Variants in SLC8A1 observed in about 807,000 individuals in gnomAD.
SLC8A1 encodes solute carrier family 8 member A1, also known as sodium/calcium exchanger 1.
Under a neutral mutation model 68.3 loss-of-function variants are expected in SLC8A1, and 18 were observed. That is an observed-to-expected ratio of 0.26 (90% CI 0.18 to 0.39). The LOEUF (loss-of-function observed/expected upper bound fraction) is 0.39. Among genes scored for constraint, SLC8A1 ranks in the 10% least tolerant of loss-of-function variants. SLC8A1 has a pLI of 1.00. For missense variants in SLC8A1, 985 were observed against 1,156.7 expected (o/e 0.85, Z 2.15); for synonymous variants, 475 against 415.5 (o/e 1.14, Z -1.74).
At chr2:40,109,218 A>G (rs2034410724) in exon 8 of SLC8A1, 1 of 152,120 alleles carries the variant, frequency 6.6e-6, no homozygotes. Context: ...TAGCAGAAAA[A>G]TAGTACCCAC....
intron 2 of SLC8A1, among the ~76,000 whole-genome samples, chr2:40,253,267 A>G (rs2063279697): frequency 6.6e-6 from 1 of 150,610 alleles, no homozygotes; most frequent in Admixed American, 6.6e-5. Context: ...ACATATATAC[A>G]TGTACATATG....
At chr2:40,119,865 A>G (rs1054749306) in intron 7 of SLC8A1, among the ~76,000 whole-genome samples, 2 of 152,236 alleles carry the variant, frequency 1.3e-5, no homozygotes, top group African/African-American at 2.4e-5. Flanking sequence ...CTATAAATCA[A>G]TAAGAAGGAA....
chr2:40,401,424 C>T (rs1688678100), intron 2 of SLC8A1, among the ~76,000 whole-genome samples: 1 of 146,250 alleles, frequency 6.8e-6, no homozygotes. Flanking sequence ...TTCTTCTATG[C>T]TATTTTTTTT....
At chr2:40,271,939 T>C (rs2066090480) in intron 2 of SLC8A1, among the ~76,000 whole-genome samples, 1 of 152,078 alleles carries the variant, frequency 6.6e-6, no homozygotes, top group African/African-American at 2.4e-5. Flanking sequence ...CCGTCATAGC[T>C]CACTGCAGCC....
chr2:40,427,719 T>A (rs569587144), intron 2 of SLC8A1, among the ~76,000 whole-genome samples: 2 of 152,274 alleles, frequency 1.3e-5, no homozygotes, highest in African/African-American at 4.8e-5. Flanking sequence ...AAATTTTTCC[T>A]TCTTTTCTCT....
At chr2:40,197,720 C>A (rs368613) in intron 2 of SLC8A1, among the ~76,000 whole-genome samples, 106,973 of 151,684 alleles carry the variant, frequency 0.71, 39,101 homozygotes, top group Middle Eastern at 0.83. Context: ...GCTTGTCTCC[C>A]AGACATTTTC....
At chr2:40,501,030 A>C (rs1706031267) in intron 1 of SLC8A1, among the ~76,000 whole-genome samples, 1 of 151,628 alleles carries the variant, frequency 6.6e-6, no homozygotes, top group African/African-American at 2.4e-5. Flanking sequence ...ACCTGTTCTC[A>C]CGGGGCTGCT....
At chr2:40,372,923 G>A (rs1678603780) in intron 2 of SLC8A1, among the ~76,000 whole-genome samples, 1 of 151,894 alleles carries the variant, frequency 6.6e-6, no homozygotes, top group African/African-American at 2.4e-5. Flanking sequence ...AATCCTTGAT[G>A]GTTTATCAAG....
chr2:40,252,815 CATATAT>C (rs748062321), intron 2 of SLC8A1, among the ~76,000 whole-genome samples: 2 of 143,188 alleles, frequency 1.4e-5, no homozygotes, highest in Non-Finnish European at 3.0e-5. Flanking sequence ...TGTACATATA[CATATAT>C]ATGTATATAC....
At chr2:40,097,557 T>C (rs1311321551) in exon 8 of SLC8A1, 1 of 151,930 alleles carries the variant, frequency 6.6e-6, no homozygotes, top group Non-Finnish European at 1.5e-5. Flanking sequence ...ACAACATATC[T>C]CAGGCAGCAT....
intron 1 of SLC8A1, among the ~76,000 whole-genome samples, chr2:40,435,795 G>A (rs1276113967): frequency 1.3e-5 from 2 of 152,048 alleles, no homozygotes; most frequent in African/African-American, 4.8e-5. Context: ...TTGTTTTTGA[G>A]ACATAGTCTT....
At chr2:40,122,206 G>T (rs200160384) in intron 7 of SLC8A1, among the ~76,000 whole-genome samples, 1 of 124,466 alleles carries the variant, frequency 8.0e-6, no homozygotes, top group African/African-American at 2.6e-5. Context: ...ATGCGCGCGC[G>T]CACACACACA....
At chr2:40,449,264 C>A (rs754444889) in intron 1 of SLC8A1, among the ~76,000 whole-genome samples, 1 of 151,872 alleles carries the variant, frequency 6.6e-6, no homozygotes, top group Non-Finnish European at 1.5e-5. Flanking sequence ...AATGCCTTGG[C>A]TGGCTTTTTA....
chr2:40,443,706 G>C (rs949250779), intron 1 of SLC8A1, among the ~76,000 whole-genome samples: 1 of 152,156 alleles, frequency 6.6e-6, no homozygotes, highest in Admixed American at 6.5e-5. Context: ...ATGAGTGCTG[G>C]TCTCAGCTCT....
rs79585006 is a variant in SLC8A1, at chr2:40,268,434, G to C, written c.1809-90579C>G. ...TTTTCATGCACTTGGATAATACTAG[G>C]AGCCAGAAGGTCTACAAATGGAAGA... On this transcript the variant is annotated intron_variant, in intron 2 of 7. Coordinates refer to ENST00000406785, the Ensembl canonical transcript of SLC8A1. Among the ~76,000 whole-genome samples the C allele has an allele frequency of 1.1e-3, 174 of 152,282 alleles. No homozygotes were observed. In the East Asian group the frequency reaches 0.031, roughly 27 times the overall value.
intron 1 of SLC8A1, among the ~76,000 whole-genome samples, chr2:40,499,008 G>A (rs1462256728): frequency 2.6e-5 from 4 of 151,944 alleles, no homozygotes; most frequent in Admixed American, 2.6e-4. Flanking sequence ...ACTGATATAA[G>A]CCAGAATCCA....
rs927239993 is a variant in SLC8A1 at position 40,234,913 on chromosome 2, C to T, written c.1809-57058G>A. On this transcript the variant is annotated intron_variant, in intron 2 of 7. Transcript: ENST00000406785. ...ATGCTGGATTATATTTATTGATTTGCGTATATTGAACCAGCCTTGCATCCC... is the reference window on the plus strand; with the variant it reads ...ATGCTGGATTATATTTATTGATTTGTGTATATTGAACCAGCCTTGCATCCC... 5.2e-3 allele frequency among the ~76,000 whole-genome samples: 797 copies of T among 152,080 alleles called. 6 individuals are homozygous for T. Among genetic ancestry groups the T allele is most frequent in the Non-Finnish European group, 8.7e-3 (590 of 67,958 alleles).
chr2:40,228,790 G>C (rs1019744034), intron 2 of SLC8A1, among the ~76,000 whole-genome samples: 1 of 152,154 alleles, frequency 6.6e-6, no homozygotes, highest in Non-Finnish European at 1.5e-5. Flanking sequence ...AACTAGACTT[G>C]ATCACCAATC....
At chr2:40,207,123 G>A (rs753686876) in intron 2 of SLC8A1, among the ~76,000 whole-genome samples, 1 of 151,960 alleles carries the variant, frequency 6.6e-6, no homozygotes, top group African/African-American at 2.4e-5. Context: ...ATTGTGTCAT[G>A]GTTACTTATG....
Sources: allele counts gnomAD v4.1 joint callset (sites outside exome capture counted in the v4.1 genomes callset), GRCh38; gene constraint gnomAD v4.1.1; transcripts MANE v1.5; gene names NCBI Gene and HGNC (gene_info 2026-07-23, HGNC 2026-07-21).